The following ZNRF3 variants were observed in gnomAD, a reference collection of about 807,000 sequenced individuals.
The protein encoded by ZNRF3 is E3 ubiquitin-protein ligase ZNRF3.
In ZNRF3, 23 loss-of-function variants were observed where a neutral mutation model predicts 72.5. That is an observed-to-expected ratio of 0.32 (90% CI 0.23 to 0.45). ZNRF3 has a LOEUF of 0.45. Ranked by LOEUF, ZNRF3 falls within the 20% of genes least tolerant of loss-of-function variation. The pLI is 1.00. For missense variants in ZNRF3, 1,169 were observed against 1,272.1 expected (o/e 0.92, Z 1.23); for synonymous variants, 610 against 545.3 (o/e 1.12, Z -1.65).
At chr22:29,023,879 T>C (rs553994055) in intron 2 of ZNRF3, among the ~76,000 whole-genome samples, 1 of 152,294 alleles carries the variant, frequency 6.6e-6, no homozygotes, top group South Asian at 2.1e-4. Context: ...CTTGAGCCAA[T>C]GTCGGCATAT....
At position 28,986,913 on chromosome 22, in the gene ZNRF3, A is replaced by C. The variant is rs151223132; in HGVS notation, c.301-163A>C. On this transcript the variant is annotated intron_variant, in intron 1 of 8. Coordinates refer to ENST00000544604, the MANE Select transcript of ZNRF3 (RefSeq NM_001206998.2). The stretch of plus-strand genomic sequence containing the variant: ...TAGTGTTCTCCCCAGTGCTCAGCTC[A>C]TTGTGCTGAAATAAAATTCCCCTTG... 1,672 of 913,698 alleles carry C rather than the reference A, an allele frequency of 1.8e-3. 27 individuals carry two copies. The African/African-American group carries it at 0.026, about 14-fold the overall frequency. The allele number at this position is 913,698 out of a possible 1,614,324, so 56.6% of individuals were successfully genotyped here.
At chr22:28,957,737 C>A (rs1479449438) in intron 1 of ZNRF3, among the ~76,000 whole-genome samples, 1 of 152,004 alleles carries the variant, frequency 6.6e-6, no homozygotes, top group African/African-American at 2.4e-5. Flanking sequence ...CCACGCCCGG[C>A]CAATGACTGT....
At position 28,921,924 on chromosome 22, in the gene ZNRF3, C is replaced by G. The variant is rs1046424503; in HGVS notation, c.300+37858C>G. On this transcript the variant is annotated intron_variant, in intron 1 of 8. Coordinates refer to ENST00000544604, the MANE Select transcript of ZNRF3 (RefSeq NM_001206998.2). Reference sequence around the variant, plus strand: ...GGATTAATATATAGGTTGAGTATCCCTTATCCTAAATGCTTGGGACCAGAA... The same window carrying G: ...GGATTAATATATAGGTTGAGTATCCGTTATCCTAAATGCTTGGGACCAGAA... Among the ~76,000 whole-genome samples the G allele has an allele frequency of 2.3e-4, 35 of 152,250 alleles. 3 individuals are homozygous for G. In the South Asian group the frequency reaches 4.1e-3, roughly 18 times the overall value.
intron 2 of ZNRF3, among the ~76,000 whole-genome samples, chr22:28,996,457 G>T (rs1390009996): frequency 6.6e-6 from 1 of 152,130 alleles, no homozygotes; most frequent in East Asian, 1.9e-4. Context: ...AGAAGTTCTT[G>T]GGGTTCTTAA....
At chr22:28,955,492 G>A (rs1459128955) in intron 1 of ZNRF3, among the ~76,000 whole-genome samples, 2 of 152,130 alleles carry the variant, frequency 1.3e-5, no homozygotes, top group Non-Finnish European at 2.9e-5. Flanking sequence ...GATCAGCAGT[G>A]GACTCCTGGC....
At chr22:28,995,727 G>A (rs1053193132) in intron 2 of ZNRF3, among the ~76,000 whole-genome samples, 1 of 151,902 alleles carries the variant, frequency 6.6e-6, no homozygotes, top group Non-Finnish European at 1.5e-5. Context: ...CTGGGGGCTG[G>A]TAGGGATTCT....
Position 29,053,726 on chromosome 22 carries a change from C to A in ZNRF3, c.*104C>A. 1 of 1,223,984 alleles carries A rather than the reference C, an allele frequency of 8.2e-7. No individual in the cohort carries two copies. The highest frequency in any genetic ancestry group is 1.1e-6 in the Non-Finnish European group (1 of 871,294). 75.8% of individuals were successfully genotyped at this position (1,223,984 alleles called of 1,614,324 possible). ...AAAATTTTTTTAGCTTTGACAAACACACAAAAGTGGTAATAAAGAGAGCCC... is the reference window on the plus strand; with the variant it reads ...AAAATTTTTTTAGCTTTGACAAACAAACAAAAGTGGTAATAAAGAGAGCCC... On this transcript the variant is annotated 3_prime_UTR_variant, in exon 9 of 9. Coordinates refer to ENST00000544604, the MANE Select transcript of ZNRF3 (RefSeq NM_001206998.2).
At position 28,988,392 on chromosome 22, in the gene ZNRF3, C is replaced by T. The variant is rs2035893796; in HGVS notation, c.426+1191C>T. Among the ~76,000 whole-genome samples the T allele has an allele frequency of 2.0e-5, 3 of 152,142 alleles. No individual in the cohort carries two copies. The South Asian group carries it at 6.2e-4, about 31-fold the overall frequency. ...CTTTCCAGACTTAAAGTAGCCCCTG[C>T]CAGTGTCTCCTGAAAGACCTTTGGC... On this transcript the variant is annotated intron_variant, in intron 2 of 8. Coordinates refer to ENST00000544604, the MANE Select transcript of ZNRF3 (RefSeq NM_001206998.2).
chr22:28,945,302 G>A (rs933719142), intron 1 of ZNRF3, among the ~76,000 whole-genome samples: 1 of 152,186 alleles, frequency 6.6e-6, no homozygotes, highest in Non-Finnish European at 1.5e-5. Context: ...AGAGTACTGT[G>A]CAGACATCTA....
intron 2 of ZNRF3, among the ~76,000 whole-genome samples, chr22:29,039,014 C>A (rs2036912128): frequency 6.6e-6 from 1 of 151,928 alleles, no homozygotes; most frequent in African/African-American, 2.4e-5. Context: ...AAGTGATACT[C>A]CCGCCTCAGC....
intron 2 of ZNRF3, among the ~76,000 whole-genome samples, chr22:29,039,224 G>A (rs1249071337): frequency 1.3e-5 from 2 of 152,226 alleles, no homozygotes; most frequent in African/African-American, 4.8e-5. Flanking sequence ...GGGCGGAGCA[G>A]GGAAGCCTGA....
chr22:28,892,920 C>G (rs573519852), intron 1 of ZNRF3, among the ~76,000 whole-genome samples: 73 of 152,268 alleles, frequency 4.8e-4, no homozygotes, highest in African/African-American at 1.7e-3. Flanking sequence ...GTAATCCCAG[C>G]ACTTTGGGAG....
intron 1 of ZNRF3, among the ~76,000 whole-genome samples, chr22:28,974,697 G>A (rs758536497): frequency 7.2e-5 from 11 of 151,778 alleles, no homozygotes; most frequent in East Asian, 1.9e-4. Context: ...CCAGGCTGGC[G>A]CGCCATGGCC....
At chr22:29,026,323 A>G (rs1376950105) in intron 2 of ZNRF3, 3 of 152,170 alleles carry the variant, frequency 2.0e-5, no homozygotes, top group African/African-American at 7.2e-5. Context: ...CCCCATCACT[A>G]AAATTCCTTC....
At position 29,030,861 on chromosome 22, in the gene ZNRF3, C is replaced by G. The variant is rs1184775107; in HGVS notation, c.427-11634C>G. 6.6e-6 allele frequency among the ~76,000 whole-genome samples: 1 copy of G among 152,170 alleles called. No individual in the cohort carries two copies. The highest frequency in any genetic ancestry group is 2.4e-5 in the African/African-American group (1 of 41,436). ...ATGTTGGCCGCAGGGCCTCGGAGTT[C>G]TGAGCTGTGTTTGTGGCTTCAGCGC... On this transcript the variant is annotated intron_variant, in intron 2 of 8. Transcript: ENST00000544604. This position sits in a 1 kb window ranked among gnomAD's most constrained non-coding sequence, Gnocchi z 4.2.
At chr22:28,959,328 C>T (rs2035316157) in intron 1 of ZNRF3, among the ~76,000 whole-genome samples, 1 of 152,166 alleles carries the variant, frequency 6.6e-6, no homozygotes, top group Admixed American at 6.5e-5. Flanking sequence ...CTCCTCTCCT[C>T]CTTCTCTTTT....
chr22:29,024,596 C>T (rs1028839797), intron 2 of ZNRF3, among the ~76,000 whole-genome samples: 6 of 151,966 alleles, frequency 3.9e-5, no homozygotes, highest in Admixed American at 3.3e-4. Flanking sequence ...ATGTAGGGTC[C>T]CTAGTATAAC....
intron 1 of ZNRF3, among the ~76,000 whole-genome samples, chr22:28,886,756 C>T (rs1321910139): frequency 2.0e-5 from 3 of 151,554 alleles, no homozygotes; most frequent in Non-Finnish European, 2.9e-5. Context: ...CCTAGGAGTT[C>T]GAGACCAGCC....
chr22:28,991,505 T>A (rs1356780549), intron 2 of ZNRF3, among the ~76,000 whole-genome samples: 1 of 152,022 alleles, frequency 6.6e-6, no homozygotes, highest in Non-Finnish European at 1.5e-5. Flanking sequence ...TAATGCTGCC[T>A]GTGTCATTGT....
Sources: gnomAD v4.1 joint callset for allele counts (sites outside exome capture counted in the v4.1 genomes callset) on GRCh38, gnomAD v4.1.1 for gene constraint, Gnocchi (gnomAD v3.1) non-coding constraint, MANE v1.5 for transcripts, NCBI Gene and HGNC (gene_info 2026-07-23, HGNC 2026-07-21) for gene names.